Variants in ATR observed in about 807,000 individuals in gnomAD.
ATR encodes ATR checkpoint kinase.
In ATR, 142 loss-of-function variants were observed where a neutral mutation model predicts 305.3. The observed-to-expected ratio is 0.47, with a 90% confidence interval of 0.41 to 0.53. The LOEUF (loss-of-function observed/expected upper bound fraction) is 0.53. Among genes scored for constraint, ATR ranks in the 20% least tolerant of loss-of-function variants. ATR has a pLI of 0.00. For missense variants in ATR, 2,135 were observed against 3,133.1 expected, an observed-to-expected ratio of 0.68 and a Z score of 7.60; for synonymous variants, 1,050 against 1,068.1, an observed-to-expected ratio of 0.98 and a Z score of 0.33.
chr3:142,449,817 G>A, intron 46 of ATR: 1 of 571,164 alleles, frequency 1.8e-6, no homozygotes. Flanking sequence ...TCAACTGCTT[G>A]GACATGTTTC....
intron 1 of ATR, among the ~76,000 whole-genome samples, chr3:142,570,742 T>C (rs927423286): frequency 4.3e-4 from 65 of 152,234 alleles, no homozygotes; most frequent in Non-Finnish European, 1.9e-4. Context: ...GTTTAGGTAT[T>C]TGTATGCCTT....
At chr3:142,465,969 G>A (rs2071119288) in intron 40 of ATR, among the ~76,000 whole-genome samples, 1 of 147,854 alleles carries the variant, frequency 6.8e-6, no homozygotes, top group Non-Finnish European at 1.5e-5. Context: ...TCGCACCACT[G>A]TATTCCACCC....
intron 36 of ATR, among the ~76,000 whole-genome samples, chr3:142,477,384 T>C (rs2029941066): frequency 6.6e-6 from 1 of 152,208 alleles, no homozygotes; most frequent in African/African-American, 2.4e-5. Context: ...GTTTATAGGA[T>C]GGATTACATT....
intron 16 of ATR, among the ~76,000 whole-genome samples, chr3:142,546,775 T>C (rs1456693852): frequency 1.3e-5 from 2 of 152,216 alleles, no homozygotes; most frequent in South Asian, 2.1e-4. Context: ...TACTGAAAGG[T>C]TGAATAAGAT....
chr3:142,520,669 T>C (rs906308607), intron 23 of ATR, among the ~76,000 whole-genome samples: 2 of 151,710 alleles, frequency 1.3e-5, no homozygotes, highest in African/African-American at 4.8e-5. Flanking sequence ...GAGAATAAGT[T>C]GCAGAAAAAA....
Position 142,524,204 on chromosome 3 carries a change from A to T in ATR, c.3946-5T>A. On this transcript the variant is annotated splice_polypyrimidine_tract_variant and splice_region_variant and intron_variant, in intron 21 of 46. Coordinates refer to ENST00000350721, the MANE Select transcript of ATR (RefSeq NM_001184.4). Reference sequence around the variant, plus strand: ...TGCATACTTTATCAGTTTTTCCTAAAATAAAAGTAGAAAGAAAATTTATAC... The same window carrying T: ...TGCATACTTTATCAGTTTTTCCTAATATAAAAGTAGAAAGAAAATTTATAC... 1 of 1,607,698 alleles carries T rather than the reference A, an allele frequency of 6.2e-7. No individual in the cohort carries two copies. Among genetic ancestry groups the T allele is most frequent in the Non-Finnish European group, 8.5e-7 (1 of 1,174,538 alleles).
At chr3:142,506,697 A>C (rs1042306794) in intron 28 of ATR, among the ~76,000 whole-genome samples, 1 of 152,164 alleles carries the variant, frequency 6.6e-6, no homozygotes, top group Non-Finnish European at 1.5e-5. Flanking sequence ...AAAATAAATA[A>C]ATAAATAAAA....
chr3:142,516,559 A>G (rs1449881015), intron 24 of ATR, among the ~76,000 whole-genome samples: 2 of 152,120 alleles, frequency 1.3e-5, no homozygotes, highest in Admixed American at 1.3e-4. Context: ...CACCAACTCC[A>G]TTGCCACTTT....
intron 6 of ATR, among the ~76,000 whole-genome samples, chr3:142,559,681 A>G (rs1225674773): frequency 6.6e-6 from 1 of 152,170 alleles, no homozygotes; most frequent in African/African-American, 2.4e-5. Flanking sequence ...AGGTGGGAGG[A>G]TCACTTGAGC....
At chr3:142,508,289 C>A (rs1419868147) in intron 27 of ATR, among the ~76,000 whole-genome samples, 180 bp from the exon 28 acceptor site, 1 of 152,092 alleles carries the variant, frequency 6.6e-6, no homozygotes, top group Admixed American at 6.5e-5. Flanking sequence ...TCCAACTCTG[C>A]CATTATAACT....
At position 142,547,892 on chromosome 3, in the gene ATR, G is replaced by T. The variant is rs757677799; in HGVS notation, c.3190C>A (p.Leu1064Met). Residue 1064 changes from leucine to methionine, a missense_variant, in exon 16 of 47, where the codon CTG becomes ATG. By Grantham distance (15) the Leu-to-Met change is conservative. Coordinates refer to ENST00000350721, the MANE Select transcript of ATR (RefSeq NM_001184.4). ...AAATCTTGTCTCAACAGGCTCCCCA[G>T]TTCAATTTCTGTTTCATTCTAACCC... Reference protein sequence around the residue: ...HYLKNETEIELGSLLRQDFQG... With the variant: ...HYLKNETEIEMGSLLRQDFQG... 2 of 1,613,676 alleles carry T rather than the reference G, an allele frequency of 1.2e-6. No homozygotes were observed. Among genetic ancestry groups the T allele is most frequent in the Non-Finnish European group, 1.7e-6 (2 of 1,179,904 alleles).
chr3:142,481,073 C>T (rs556398899), intron 36 of ATR, among the ~76,000 whole-genome samples: 5 of 152,356 alleles, frequency 3.3e-5, no homozygotes, highest in South Asian at 2.1e-4. Flanking sequence ...GGCTCATGCT[C>T]GGTGCGCTGC....
intron 21 of ATR, 51 bp downstream of exon 21, chr3:142,535,029 G>T (rs2108423870): frequency 6.5e-7 from 1 of 1,537,986 alleles, no homozygotes; most frequent in Non-Finnish European, 8.9e-7. Context: ...TTTTCTTTAA[G>T]CCTCCAATCT....
chr3:142,545,535 T>G (rs951432655), intron 16 of ATR, among the ~76,000 whole-genome samples: 1 of 152,142 alleles, frequency 6.6e-6, no homozygotes, highest in African/African-American at 2.4e-5. Context: ...GATTTTATTT[T>G]ATGTTAAGGG....
intron 16 of ATR, among the ~76,000 whole-genome samples, chr3:142,544,056 A>T (rs2034166184): frequency 1.3e-5 from 2 of 152,096 alleles, no homozygotes; most frequent in Non-Finnish European, 2.9e-5. Context: ...CTTAATTTTG[A>T]CACTTCCTAA....
intron 27 of ATR, among the ~76,000 whole-genome samples, chr3:142,508,314 C>T (rs772193818): frequency 2.0e-4 from 31 of 152,116 alleles, no homozygotes; most frequent in Admixed American, 1.7e-3. Context: ...TTTCTTTGGA[C>T]AGTCATTTAA....
chr3:142,577,203 T>C (rs1351951642), intron 1 of ATR, among the ~76,000 whole-genome samples: 1 of 152,186 alleles, frequency 6.6e-6, no homozygotes, highest in African/African-American at 2.4e-5. Context: ...TCTCTTGGAA[T>C]AGCTACAAAT....
rs368033457 is a variant in ATR at position 142,547,916 on chromosome 3, C to G, written c.3172-6G>C. On this transcript the variant is annotated splice_polypyrimidine_tract_variant and splice_region_variant and intron_variant, in intron 15 of 46. Coordinates refer to ENST00000350721, the MANE Select transcript of ATR (RefSeq NM_001184.4). ...AGTTCAATTTCTGTTTCATTCTAACCCAAAGACATGTTAAAAAAAATTTTT... is the reference window on the plus strand; with the variant it reads ...AGTTCAATTTCTGTTTCATTCTAACGCAAAGACATGTTAAAAAAAATTTTT... 2 of 1,613,404 alleles carry G rather than the reference C, an allele frequency of 1.2e-6. No individual in the cohort carries two copies. The highest frequency in any genetic ancestry group is 1.7e-5 in the Admixed American group (1 of 59,958).
intron 21 of ATR, among the ~76,000 whole-genome samples, chr3:142,533,555 C>T (rs2033743541): frequency 6.6e-6 from 1 of 152,138 alleles, no homozygotes; most frequent in South Asian, 2.1e-4. Flanking sequence ...TCTCTTTATT[C>T]CTAGGTGTTT....
Sources: allele counts gnomAD v4.1 joint callset (sites outside exome capture counted in the v4.1 genomes callset), GRCh38; gene constraint gnomAD v4.1.1; transcripts MANE v1.5; gene names NCBI Gene and HGNC (gene_info 2026-07-23, HGNC 2026-07-21).